Variants in FHIP1A observed in about 807,000 individuals in gnomAD.
The protein encoded by FHIP1A is FHF complex subunit HOOK-interacting protein 1A.
A neutral mutation model predicts 88.6 loss-of-function variants in FHIP1A; 61 were observed. That is an observed-to-expected ratio of 0.69 (90% CI 0.56 to 0.85). The LOEUF is 0.85. Among genes scored for constraint, FHIP1A ranks in the 40% least tolerant of loss-of-function variants. The pLI is 0.00. For synonymous variants in FHIP1A, 478 were observed against 496.0 expected (o/e 0.96, Z 0.48); for missense variants, 1,154 against 1,273.5 (o/e 0.91, Z 1.43).
chr4:151,637,846 T>G (rs1419053690), intron 8 of FHIP1A, among the ~76,000 whole-genome samples: 1 of 152,200 alleles, frequency 6.6e-6, no homozygotes, highest in African/African-American at 2.4e-5. Context: ...AGTACAGCTC[T>G]TTCTTTACAG....
chr4:151,441,904 A>G (rs1728426335), intron 1 of FHIP1A, among the ~76,000 whole-genome samples: 1 of 152,222 alleles, frequency 6.6e-6, no homozygotes, highest in African/African-American at 2.4e-5. Flanking sequence ...CACAAAAGAC[A>G]TTAATTTGTT....
chr4:151,600,827 C>T (rs1734841480), intron 7 of FHIP1A, among the ~76,000 whole-genome samples: 1 of 152,158 alleles, frequency 6.6e-6, no homozygotes, highest in South Asian at 2.1e-4. Context: ...ACTCCAAGGA[C>T]TCCGAGAGTG....
chr4:151,613,193 T>C (rs1414189587), intron 7 of FHIP1A, among the ~76,000 whole-genome samples: 4 of 152,244 alleles, frequency 2.6e-5, no homozygotes, highest in Non-Finnish European at 4.4e-5. Flanking sequence ...TCCATCCTAG[T>C]TGGGAATTAG....
chr4:151,659,989 C>T lies in FHIP1A; in HGVS notation c.2870-2512C>T, dbSNP rs79695323. Among the ~76,000 whole-genome samples, 945 of 152,350 alleles carry T rather than the reference C, an allele frequency of 6.2e-3. 5 individuals are homozygous for T. Among genetic ancestry groups the T allele is most frequent in the Middle Eastern group, 0.027 (8 of 294 alleles). On this transcript the variant is annotated intron_variant, in intron 13 of 13. Transcript: ENST00000435205. Reference sequence around the variant, plus strand: ...ACAGAGTAACAGTTCACTGTATTTACTTATATTCAGAGCCCTTTTACTGGG... The same window carrying T: ...ACAGAGTAACAGTTCACTGTATTTATTTATATTCAGAGCCCTTTTACTGGG...
At chr4:151,569,276 G>A (rs1395806486) in intron 4 of FHIP1A, among the ~76,000 whole-genome samples, 3 of 152,122 alleles carry the variant, frequency 2.0e-5, no homozygotes, top group Admixed American at 6.6e-5. Flanking sequence ...AGTGTTGGCC[G>A]GGCGCTGTGG....
chr4:151,497,554 G>T (rs1730506217), intron 3 of FHIP1A, among the ~76,000 whole-genome samples: 1 of 152,204 alleles, frequency 6.6e-6, no homozygotes, highest in African/African-American at 2.4e-5. Flanking sequence ...TAAAGCAGTT[G>T]TCACAACCAG....
intron 3 of FHIP1A, among the ~76,000 whole-genome samples, chr4:151,510,203 C>T (rs1161460501): frequency 6.6e-6 from 1 of 151,998 alleles, no homozygotes; most frequent in African/African-American, 2.4e-5. Context: ...CTCCTGGGTT[C>T]AGGTGATCCT....
rs201444046 is a variant in FHIP1A, at chr4:151,512,820, C to T, written c.-123+30172C>T. ...GACTATGTGAAAAGACCAAGTCTAC[C>T]GCTGATTGGTGTACCTGAAAGTGAT... On this transcript the variant is annotated intron_variant, in intron 3 of 13. Transcript: ENST00000435205. Among the ~76,000 whole-genome samples, 76 of 152,200 alleles carry T rather than the reference C, an allele frequency of 5.0e-4. No homozygotes were observed. In the East Asian group the frequency reaches 8.1e-3, roughly 16 times the overall value.
chr4:151,471,673 A>G (rs1025983260), intron 2 of FHIP1A, among the ~76,000 whole-genome samples: 1 of 152,054 alleles, frequency 6.6e-6, no homozygotes, highest in Admixed American at 6.6e-5. Flanking sequence ...TTACATGAGT[A>G]AGTTCTTTAG....
At chr4:151,551,887 A>G (rs1732748963) in intron 3 of FHIP1A, among the ~76,000 whole-genome samples, 2 of 152,240 alleles carry the variant, frequency 1.3e-5, no homozygotes, top group South Asian at 4.1e-4. Flanking sequence ...ATCAGAGTGA[A>G]CAGGCAACCT....
At chr4:151,543,159 T>G (rs1732361667) in intron 3 of FHIP1A, among the ~76,000 whole-genome samples, 1 of 152,186 alleles carries the variant, frequency 6.6e-6, no homozygotes, top group African/African-American at 2.4e-5. Context: ...ATGAGAAAAC[T>G]GAGGCACAGA....
At chr4:151,489,529 G>T (rs1730208697) in intron 3 of FHIP1A, among the ~76,000 whole-genome samples, 1 of 152,182 alleles carries the variant, frequency 6.6e-6, no homozygotes, top group Non-Finnish European at 1.5e-5. Context: ...GTGGGGAGGG[G>T]CAAGGCCTGA....
intron 3 of FHIP1A, among the ~76,000 whole-genome samples, chr4:151,506,152 C>T (rs1283046446): frequency 6.6e-6 from 1 of 152,050 alleles, no homozygotes; most frequent in Non-Finnish European, 1.5e-5. Flanking sequence ...TAACATTCCC[C>T]CTGTCTTGGC....
chr4:151,518,283 A>C (rs991169982), intron 3 of FHIP1A, among the ~76,000 whole-genome samples: 1 of 152,308 alleles, frequency 6.6e-6, no homozygotes, highest in Admixed American at 6.5e-5. Flanking sequence ...CATGCTGTAC[A>C]GGTTTGTAGC....
intron 1 of FHIP1A, among the ~76,000 whole-genome samples, chr4:151,421,038 C>T (rs2709821): frequency 0.56 from 85,088 of 152,126 alleles, 24,466 homozygotes; most frequent in African/African-American, 0.68. Context: ...CTTGAATTTG[C>T]CCTTTCCTAA....
chr4:151,539,713 C>G (rs906203744), intron 3 of FHIP1A, among the ~76,000 whole-genome samples: 10 of 152,148 alleles, frequency 6.6e-5, no homozygotes, highest in Non-Finnish European at 1.3e-4. Flanking sequence ...TAGGCTATTT[C>G]CCATGTGTGC....
Position 151,445,849 on chromosome 4 carries a change from A to AATATATAT in FHIP1A, c.-355-8835_-355-8828dup, listed in dbSNP as rs56199696. ...CAGCCTGAGAGACCTCATCTCTTAA[A>AATATATAT]ATATATATATATATATATATATATT... On this transcript the variant is annotated intron_variant, in intron 1 of 13. Transcript: ENST00000435205. 6.0e-3 allele frequency among the ~76,000 whole-genome samples: 589 copies of AATATATAT among 97,988 alleles called. 32 individuals carry two copies. The highest frequency in any genetic ancestry group is 9.7e-3 in the Middle Eastern group (2 of 206). The allele number at this position is 97,988 out of a possible 152,430, so 64.3% of individuals were successfully genotyped here. A position where few individuals can be genotyped will look rare whatever the true frequency, so the allele number is the denominator to read the frequency against.
rs1440724814 is a variant in FHIP1A, at chr4:151,646,609, G to A, written c.1278G>A (p.Lys426=). 3 of 1,551,524 alleles carry A rather than the reference G, an allele frequency of 1.9e-6. No homozygotes were observed. In the East Asian group the frequency reaches 7.3e-5, roughly 38 times the overall value. ...HMMLSQRWAV[K]ERDCYSVSAA... The stretch of plus-strand genomic sequence containing the variant: ...TGCTGAGTCAGAGGTGGGCTGTGAA[G>A]GAGAGAGACTGTTACTCTGTTTCTG... Residue 426 remains lysine (K), a synonymous_variant, in exon 10 of 14, where the codon AAG becomes AAA. Coordinates refer to ENST00000435205, the MANE Select transcript of FHIP1A (RefSeq NM_001109977.3).
intron 4 of FHIP1A, among the ~76,000 whole-genome samples, chr4:151,574,753 C>CA (rs1247985071): frequency 6.6e-6 from 1 of 152,080 alleles, no homozygotes; most frequent in Non-Finnish European, 1.5e-5. Context: ...TCTTTAGACT[C>CA]AATCATATAT....
Sources: gnomAD v4.1 joint callset for allele counts (sites outside exome capture counted in the v4.1 genomes callset) on GRCh38, gnomAD v4.1.1 for gene constraint, MANE v1.5 for transcripts, NCBI Gene and HGNC (gene_info 2026-07-23, HGNC 2026-07-21) for gene names.